PARD3B: variants seen among roughly 807,000 people sequenced by gnomAD.
PARD3B encodes the protein par-3 family cell polarity regulator beta, also known as partitioning defective 3 homolog B.
Under a neutral mutation model 130.2 loss-of-function variants are expected in PARD3B, and 103 were observed. That is an observed-to-expected ratio of 0.79 (90% CI 0.67 to 0.93). PARD3B has a LOEUF of 0.93. PARD3B is among the 40% of genes least tolerant of loss of function. The pLI is 0.00. For missense variants in PARD3B, 1,609 were observed against 1,499.2 expected, an observed-to-expected ratio of 1.07 and a Z score of -1.21; for synonymous variants, 583 against 553.2, an observed-to-expected ratio of 1.05 and a Z score of -0.76.
intron 2 of PARD3B, among the ~76,000 whole-genome samples, chr2:204,869,926 CCAGT>C (rs1472594977): frequency 6.6e-6 from 1 of 152,070 alleles, no homozygotes; most frequent in Non-Finnish European, 1.5e-5. Flanking sequence ...TGAGTGATAT[CCAGT>C]CAATTACCAG....
intron 20 of PARD3B, among the ~76,000 whole-genome samples, chr2:205,443,666 A>G (rs1031138509): frequency 6.6e-6 from 1 of 152,158 alleles, no homozygotes; most frequent in African/African-American, 2.4e-5. Context: ...CATGCACAAG[A>G]GCAAAGTGGC....
intron 2 of PARD3B, among the ~76,000 whole-genome samples, chr2:204,710,512 C>T (rs142098235): frequency 6.6e-6 from 1 of 152,306 alleles, no homozygotes; most frequent in African/African-American, 2.4e-5. Flanking sequence ...GAGGCATGCT[C>T]ATGTGGTAGA....
intron 16 of PARD3B, among the ~76,000 whole-genome samples, chr2:205,286,889 C>G (rs954392149): frequency 1.9e-4 from 29 of 152,190 alleles, no homozygotes; most frequent in Admixed American, 1.8e-3. Context: ...GAAAGCCATT[C>G]TATTTTTCTA....
chr2:205,576,414 G>T (rs750451317), intron 22 of PARD3B, among the ~76,000 whole-genome samples: 1 of 151,652 alleles, frequency 6.6e-6, no homozygotes, highest in Non-Finnish European at 1.5e-5. Flanking sequence ...TCTTCTAGGA[G>T]TTTTATGGTT....
In PARD3B at chr2:205,176,686, G is replaced by T; in HGVS notation, c.1924+109G>T. 8.2e-7 allele frequency: 1 copy of T among 1,221,078 alleles called. No homozygotes were observed. Among genetic ancestry groups the T allele is most frequent in the Non-Finnish European group, 1.1e-6 (1 of 907,556 alleles). The allele number at this position is 1,221,078 out of a possible 1,614,324, so 75.6% of individuals were successfully genotyped here. Reference sequence around the variant, plus strand: ...TAAAGGGGAGTTAATTAGACTAAGTGCAGACTTTGTTACTCGGAGTCACAA... The same window carrying T: ...TAAAGGGGAGTTAATTAGACTAAGTTCAGACTTTGTTACTCGGAGTCACAA... On this transcript the variant is annotated intron_variant, in intron 13 of 22. Coordinates refer to ENST00000406610, the MANE Select transcript of PARD3B (RefSeq NM_001302769.2). The surrounding 1 kb of genome is among the most constrained non-coding windows in gnomAD (Gnocchi z 5.3).
intron 21 of PARD3B, among the ~76,000 whole-genome samples, chr2:205,504,041 C>T (rs1188743549): frequency 6.6e-6 from 1 of 152,110 alleles, no homozygotes; most frequent in Non-Finnish European, 1.5e-5. Flanking sequence ...TGAGACTTTG[C>T]TGAAGTTGCC....
intron 2 of PARD3B, among the ~76,000 whole-genome samples, chr2:204,786,855 C>A (rs1020415581): frequency 1.3e-5 from 2 of 151,634 alleles, no homozygotes; most frequent in African/African-American, 4.8e-5. Context: ...ACAAGCATTT[C>A]GCTCTCATTC....
rs144144565 is a variant in PARD3B, at chr2:205,130,302, G to A, written c.1434+4565G>A. 3.3e-3 allele frequency among the ~76,000 whole-genome samples: 509 copies of A among 152,306 alleles called. 9 individuals carry two copies. In the East Asian group the frequency reaches 0.038, roughly 11 times the overall value. The stretch of plus-strand genomic sequence containing the variant: ...TATACTTGAAATGAAAACTATGCTA[G>A]TTAATCAACTGGTGGTTTGCGTGGT... On this transcript the variant is annotated intron_variant, in intron 10 of 22. Coordinates refer to ENST00000406610, the MANE Select transcript of PARD3B (RefSeq NM_001302769.2).
Position 205,115,588 on chromosome 2 carries a change from CAG to C in PARD3B, c.680+2012_680+2013del, listed in dbSNP as rs1417982263. Among the ~76,000 whole-genome samples the C allele has an allele frequency of 2.0e-5, 3 of 152,020 alleles. No individual in the cohort carries two copies. The East Asian group carries it at 5.8e-4, about 29-fold the overall frequency. ...CTATTATTTATTTTTTGCTATCCAC[CAG>C]TATTATAGGAAGGAAATTTAATTAA... On this transcript the variant is annotated intron_variant, in intron 6 of 22. Coordinates refer to ENST00000406610, the MANE Select transcript of PARD3B (RefSeq NM_001302769.2).
intron 1 of PARD3B, among the ~76,000 whole-genome samples, chr2:204,654,932 C>T (rs993508808): frequency 6.6e-6 from 1 of 152,122 alleles, no homozygotes; most frequent in Non-Finnish European, 1.5e-5. Flanking sequence ...GAGAGCAGGA[C>T]TCTTTGAGAC....
intron 2 of PARD3B, among the ~76,000 whole-genome samples, chr2:204,898,687 C>G (rs954618680): frequency 6.6e-6 from 1 of 152,136 alleles, no homozygotes; most frequent in African/African-American, 2.4e-5. Context: ...GATGTTCTCT[C>G]TGGATGATCT....
At chr2:204,617,536 C>T (rs1460046792) in intron 1 of PARD3B, among the ~76,000 whole-genome samples, 1 of 152,068 alleles carries the variant, frequency 6.6e-6, no homozygotes, top group Non-Finnish European at 1.5e-5. Flanking sequence ...GAATGCTTTC[C>T]AACATTTTTT....
intron 4 of PARD3B, among the ~76,000 whole-genome samples, chr2:205,063,011 T>C (rs1261722404): frequency 6.6e-6 from 1 of 152,074 alleles, no homozygotes; most frequent in Non-Finnish European, 1.5e-5. Flanking sequence ...GAAATTATTG[T>C]ATTATTAATT....
chr2:205,582,303 G>A lies in PARD3B; in HGVS notation c.3260+28900G>A, dbSNP rs552927763. 3.4e-4 allele frequency among the ~76,000 whole-genome samples: 51 copies of A among 152,208 alleles called. 1 individual carries two copies. Among genetic ancestry groups the A allele is most frequent in the South Asian group, 3.1e-3 (15 of 4,826 alleles). Reference sequence around the variant, plus strand: ...ATAATTCCTATCGTCTTGCCTTTACGTACTAGAGTCTCATAAAAAATGAGA... The same window carrying A: ...ATAATTCCTATCGTCTTGCCTTTACATACTAGAGTCTCATAAAAAATGAGA... On this transcript the variant is annotated intron_variant, in intron 22 of 22. Transcript: ENST00000406610.
At chr2:205,529,453 CTCTGTGTTCT>C (rs1229869844) in intron 21 of PARD3B, among the ~76,000 whole-genome samples, 1 of 152,084 alleles carries the variant, frequency 6.6e-6, no homozygotes, top group Non-Finnish European at 1.5e-5. Flanking sequence ...TTTTTCTGTA[CTCTGTGTTCT>C]TCTGTAGGAA....
At chr2:205,400,548 C>G (rs1362272566) in intron 18 of PARD3B, among the ~76,000 whole-genome samples, 1 of 151,662 alleles carries the variant, frequency 6.6e-6, no homozygotes, top group African/African-American at 2.4e-5. Flanking sequence ...GGCTGAGGCA[C>G]GAGAATCGCT....
intron 15 of PARD3B, among the ~76,000 whole-genome samples, chr2:205,197,032 G>GTGTGTGTGTGT (rs1398810056): frequency 7.2e-5 from 4 of 55,258 alleles, no homozygotes; most frequent in Admixed American, 1.8e-4. Flanking sequence ...GTGGGGGGGG[G>GTGTGTGTGTGT]GTGTGTGTGT....
chr2:204,830,377 T>C (rs2043771351), intron 2 of PARD3B, among the ~76,000 whole-genome samples: 1 of 152,208 alleles, frequency 6.6e-6, no homozygotes, highest in African/African-American at 2.4e-5. Context: ...ACCTTGCTCA[T>C]AGGGCTGATG....
chr2:204,828,144 T>C (rs567083203), intron 2 of PARD3B, among the ~76,000 whole-genome samples: 2 of 152,316 alleles, frequency 1.3e-5, no homozygotes, highest in African/African-American at 2.4e-5. Context: ...TGAGCACGTA[T>C]TGGGAGCCAT....
Sources: allele counts gnomAD v4.1 joint callset (sites outside exome capture counted in the v4.1 genomes callset), GRCh38; gene constraint gnomAD v4.1.1; non-coding constraint Gnocchi (gnomAD v3.1); transcripts MANE v1.5; gene names NCBI Gene and HGNC (gene_info 2026-07-23, HGNC 2026-07-21).